Variants in FUNDC2 observed in about 807,000 individuals in gnomAD.
FUNDC2 encodes FUN14 domain-containing protein 2.
A neutral mutation model predicts 15.6 loss-of-function variants in FUNDC2; 4 were observed. The observed-to-expected ratio is 0.26, with a 90% CI of 0.13 to 0.59. The LOEUF (loss-of-function observed/expected upper bound fraction) is 0.59. FUNDC2 is among the 20% of genes least tolerant of loss of function. The pLI, the probability that FUNDC2 is intolerant of heterozygous loss-of-function variation, is 0.90. For synonymous variants in FUNDC2, 44 were observed against 56.9 expected (o/e 0.77, Z 1.02); for missense variants, 98 against 149.7 (o/e 0.65, Z 1.80).
In FUNDC2 at chrX:155,055,984, G is replaced by A. The variant is rs1272341459; in HGVS notation, c.*1312G>A. The A allele has an allele frequency of 1.8e-5, 2 of 112,044 alleles. No homozygotes were observed. The highest frequency in any genetic ancestry group is 3.8e-5 in the Non-Finnish European group (2 of 53,225). The allele number at this position is 112,044 out of a possible 1,213,427, so 9.2% of individuals were successfully genotyped here. ...AATTTGAAAATCAAAACTACCAGTG[G>A]ATGTGTGGAACTTTACAGAAACCAC... On this transcript the variant is annotated 3_prime_UTR_variant, in exon 5 of 5. Transcript: ENST00000369498.
rs1450910483 is a variant in FUNDC2, at chrX:155,055,796, G to A, written c.*1124G>A. On this transcript the variant is annotated 3_prime_UTR_variant, in exon 5 of 5. Coordinates refer to ENST00000369498, the MANE Select transcript of FUNDC2 (RefSeq NM_023934.4). ...GGGCCTAGCACTTAATAGGTGCTGA[G>A]TATTTGAATAATGACTTTATAGAAA... The A allele has an allele frequency of 8.9e-6, 1 of 112,737 alleles. No homozygotes were observed. The highest frequency in any genetic ancestry group is 3.3e-5 in the African/African-American group (1 of 30,730). The allele number at this position is 112,737 out of a possible 1,213,427, so 9.3% of individuals were successfully genotyped here. A position where few individuals can be genotyped will look rare whatever the true frequency, so the allele number is the denominator to read the frequency against.
chrX:155,054,025 A>T (rs2073886367), intron 4 of FUNDC2: 1 of 750,834 alleles, frequency 1.3e-6, no homozygotes, highest in Admixed American at 8.9e-5. Flanking sequence ...TTGGGAACTT[A>T]AGGAAATAAG....
chrX:155,035,706 G>A (rs1355368058), intron 2 of FUNDC2, among the ~76,000 whole-genome samples: 4 of 111,781 alleles, frequency 3.6e-5, no homozygotes, highest in African/African-American at 9.8e-5. Context: ...GTTTTGAGAC[G>A]GAGTCTTGCT....
Position 155,056,936 on chromosome X carries a change from G to T in FUNDC2, c.*2264G>T, listed in dbSNP as rs2073902533. The T allele has an allele frequency of 9.1e-6, 1 of 110,281 alleles. No individual in the cohort carries two copies. Among genetic ancestry groups the T allele is most frequent in the Non-Finnish European group, 1.9e-5 (1 of 52,134 alleles). 9.1% of individuals were successfully genotyped at this position (110,281 alleles called of 1,213,427 possible). A position where few individuals can be genotyped will look rare whatever the true frequency, so the allele number is the denominator to read the frequency against. ...GCCTCAGACTGTATTCTGATTGTCT[G>T]AATTAAGATCTGTAGGTAGGTCCCT... On this transcript the variant is annotated 3_prime_UTR_variant, in exon 5 of 5. Transcript: ENST00000369498.
At chrX:155,043,407 G>T (rs998154516) in intron 2 of FUNDC2, among the ~76,000 whole-genome samples, 10 of 109,657 alleles carry the variant, frequency 9.1e-5, no homozygotes, top group African/African-American at 2.3e-4. Context: ...ATTTTTTTTT[G>T]ATCGTGGTAT....
rs1557291110 is a variant in FUNDC2, at chrX:155,057,113, G to C, written c.*2441G>C. The stretch of plus-strand genomic sequence containing the variant: ...CTGTGACCACTTGGGATTGTGCAGA[G>C]CTGGCATGGAGGTTGAACACGCACA... On this transcript the variant is annotated 3_prime_UTR_variant, in exon 5 of 5. Transcript: ENST00000369498. The C allele has an allele frequency of 2.0e-3, 219 of 106,969 alleles. No individual in the cohort carries two copies. The highest frequency in any genetic ancestry group is 7.1e-3 in the African/African-American group (215 of 30,159). 8.8% of individuals were successfully genotyped at this position (106,969 alleles called of 1,213,427 possible).
In FUNDC2 at chrX:155,026,952, C is replaced by T. The variant is rs138301045; in HGVS notation, c.14C>T (p.Ala5Val). Residue 5 changes from alanine (A) to valine (V), a missense_variant, in exon 1 of 5, where the codon GCC becomes GTC. Coordinates refer to ENST00000369498, the MANE Select transcript of FUNDC2 (RefSeq NM_023934.4). METS[A>V]PRAGSQVVAT... ...GCCGCCGTGGGAATGGAAACATCTG[C>T]CCCACGTGCCGGAAGCCAAGTGGTG... 227 of 1,194,168 alleles carry T rather than the reference C, an allele frequency of 1.9e-4. No homozygotes were observed. In the African/African-American group the frequency reaches 3.7e-3, roughly 19 times the overall value.
intron 3 of FUNDC2, among the ~76,000 whole-genome samples, 194 bp downstream of exon 3, chrX:155,046,778 A>T (rs1341112044): frequency 8.9e-6 from 1 of 112,573 alleles, no homozygotes; most frequent in Non-Finnish European, 1.9e-5. Flanking sequence ...GTTATTTGCC[A>T]GTCCCATTTT....
At chrX:155,047,032 C>T (rs1321292740) in intron 3 of FUNDC2, 2 of 214,789 alleles carry the variant, frequency 9.3e-6, no homozygotes. Context: ...CCCATAGTTT[C>T]AGAACCAGTG....
In FUNDC2 at chrX:155,026,964, G is replaced by A. The variant is rs1557288288; in HGVS notation, c.26G>A (p.Gly9Glu). 1.7e-6 allele frequency: 2 copies of A among 1,199,829 alleles called. No homozygotes were observed. Among genetic ancestry groups the A allele is most frequent in the East Asian group, 6.0e-5 (2 of 33,385 alleles). ...ATGGAAACATCTGCCCCACGTGCCG[G>A]AAGCCAAGTGGTGGCGACAACTGCG... The part of the protein sequence containing the change: METSAPRA[G>E]SQVVATTARH... Residue 9 changes from glycine (G) to glutamate (E), a missense_variant, in exon 1 of 5, where the codon GGA becomes GAA. Transcript: ENST00000369498.
Position 155,043,828 on chromosome X carries a change from T to G in FUNDC2, c.285-2681T>G, listed in dbSNP as rs1408697453. ...AAATATACTGCCTGACATCTAACTT[T>G]TGTTTAAAAAAGATTAAAAGTCTTA... On this transcript the variant is annotated intron_variant, in intron 2 of 4. Transcript: ENST00000369498. Among the ~76,000 whole-genome samples, 3 of 112,499 alleles carry G rather than the reference T, an allele frequency of 2.7e-5. No homozygotes were observed. The East Asian group carries it at 8.3e-4, about 31-fold the overall frequency.
intron 2 of FUNDC2, among the ~76,000 whole-genome samples, chrX:155,035,550 T>G (rs1279997032): frequency 1.8e-5 from 2 of 112,208 alleles, no homozygotes; most frequent in East Asian, 5.5e-4. Flanking sequence ...AATTCCACGC[T>G]CTTTCCTTCA....
rs1291478922 is a variant in FUNDC2, at chrX:155,055,419, T to C, written c.*747T>C. ...CTTATCAAAACATTAGGGGTGGCCA[T>C]AACTCCTCTGTGCCACTTCTACTAT... is the stretch of plus-strand genomic sequence containing the variant. On this transcript the variant is annotated 3_prime_UTR_variant, in exon 5 of 5. Coordinates refer to ENST00000369498, the MANE Select transcript of FUNDC2 (RefSeq NM_023934.4). 1 of 292,822 alleles carries C rather than the reference T, an allele frequency of 3.4e-6. No individual in the cohort carries two copies. Among genetic ancestry groups the C allele is most frequent in the Non-Finnish European group, 5.9e-6 (1 of 168,994 alleles). 24.1% of individuals were successfully genotyped at this position (292,822 alleles called of 1,213,427 possible). A position where few individuals can be genotyped will look rare whatever the true frequency, so the allele number is the denominator to read the frequency against.
rs1557291094 is a variant in FUNDC2 at position 155,057,081 on chromosome X, GA to G, written c.*2410del. ...CGGCTGTGAGTTCTGCCCACGGTGT[GA>G]GGCCACTGTGACCACTTGGGATTGT... On this transcript the variant is annotated 3_prime_UTR_variant, in exon 5 of 5. Transcript: ENST00000369498. 215 of 101,184 alleles carry G rather than the reference GA, an allele frequency of 2.1e-3. No homozygotes were observed. Among genetic ancestry groups the G allele is most frequent in the African/African-American group, 7.1e-3 (211 of 29,591 alleles). The allele number at this position is 101,184 out of a possible 1,213,427, so 8.3% of individuals were successfully genotyped here. A position where few individuals can be genotyped will look rare whatever the true frequency, so the allele number is the denominator to read the frequency against.
At chrX:155,031,068 G>A (rs1301210835) in intron 1 of FUNDC2, among the ~76,000 whole-genome samples, 3 of 111,283 alleles carry the variant, frequency 2.7e-5, no homozygotes, top group Admixed American at 9.6e-5. Flanking sequence ...TTTACAGTAA[G>A]TATTCATTTA....
intron 1 of FUNDC2, among the ~76,000 whole-genome samples, chrX:155,029,652 G>A (rs1569560154): frequency 1.9e-5 from 2 of 108,037 alleles, no homozygotes; most frequent in Admixed American, 9.9e-5. Flanking sequence ...CTACTTGGGA[G>A]GCTGAGGCAG....
At chrX:155,046,807 A>G (rs2073864297) in intron 3 of FUNDC2, among the ~76,000 whole-genome samples, 1 of 112,819 alleles carries the variant, frequency 8.9e-6, no homozygotes, top group Admixed American at 9.4e-5. Context: ...ATGTGGCGAC[A>G]GAAGTGCAAA....
In FUNDC2 at chrX:155,056,369, C is replaced by G. The variant is rs1196603648; in HGVS notation, c.*1697C>G. 2.7e-5 allele frequency: 3 copies of G among 111,526 alleles called. No homozygotes were observed. The Admixed American group carries it at 2.9e-4, about 11-fold the overall frequency. 9.2% of individuals were successfully genotyped at this position (111,526 alleles called of 1,213,427 possible). On this transcript the variant is annotated 3_prime_UTR_variant, in exon 5 of 5. Transcript: ENST00000369498. ...ATCATAAATACCTCATCATATCAGACATTAACAGTAATTACATAATATCCA... is the reference window on the plus strand; with the variant it reads ...ATCATAAATACCTCATCATATCAGAGATTAACAGTAATTACATAATATCCA...
Position 155,059,596 on chromosome X carries a change from T to C in FUNDC2, c.*4924T>C, listed in dbSNP as rs1602746640. On this transcript the variant is annotated 3_prime_UTR_variant, in exon 5 of 5. Coordinates refer to ENST00000369498, the MANE Select transcript of FUNDC2 (RefSeq NM_023934.4). ...TTCTATGATGGCTATTTTATTTTTTTGTATGTCATAATAATACCTAAGAAT... is the reference window on the plus strand; with the variant it reads ...TTCTATGATGGCTATTTTATTTTTTCGTATGTCATAATAATACCTAAGAAT... The C allele has an allele frequency of 8.9e-6, 1 of 111,987 alleles. No homozygotes were observed. The highest frequency in any genetic ancestry group is 3.3e-5 in the African/African-American group (1 of 30,761). 9.2% of individuals were successfully genotyped at this position (111,987 alleles called of 1,213,427 possible). A position where few individuals can be genotyped will look rare whatever the true frequency, so the allele number is the denominator to read the frequency against.
Sources: gnomAD v4.1 joint callset for allele counts (sites outside exome capture counted in the v4.1 genomes callset) on GRCh38, gnomAD v4.1.1 for gene constraint, MANE v1.5 for transcripts, NCBI Gene and HGNC (gene_info 2026-07-23, HGNC 2026-07-21) for gene names.